Variants in SYTL5 observed in about 807,000 individuals in gnomAD.
SYTL5 encodes the protein synaptotagmin like 5.
Under a neutral mutation model 55.9 loss-of-function variants are expected in SYTL5, and 34 were observed. The ratio of observed to expected loss-of-function variants is 0.61; its 90% CI spans 0.46 to 0.81. The LOEUF (loss-of-function observed/expected upper bound fraction) is 0.81, where lower values mean the gene tolerates loss of function less well. Among genes scored for constraint, SYTL5 ranks in the 30% least tolerant of loss-of-function variants. SYTL5 has a pLI of 0.00. For missense variants in SYTL5, 637 were observed against 546.7 expected, an observed-to-expected ratio of 1.17 and a Z score of -1.65; for synonymous variants, 221 against 188.7, an observed-to-expected ratio of 1.17 and a Z score of -1.40.
chrX:37,920,854 A>G, the SYTL5 span, among the ~76,000 whole-genome samples: 1 of 111,615 alleles, frequency 9.0e-6, no homozygotes, highest in South Asian at 3.8e-4. Flanking sequence ...CAAAAACCAC[A>G]ATGTTTAAGG....
intron 2 of SYTL5, among the ~76,000 whole-genome samples, chrX:38,039,656 T>C (rs1281020238): frequency 8.9e-6 from 1 of 111,751 alleles, no homozygotes; most frequent in East Asian, 2.8e-4. Context: ...TGAGCTTTAT[T>C]CTCACTAAGG....
At chrX:37,903,195 A>C in the SYTL5 span, among the ~76,000 whole-genome samples, 12 of 110,999 alleles carry the variant, frequency 1.1e-4, no homozygotes, top group African/African-American at 4.0e-4. Context: ...CCATCCCATT[A>C]CTGGGTATAT....
intron 6 of SYTL5, among the ~76,000 whole-genome samples, chrX:38,079,223 A>AT (rs756025237): frequency 5.4e-5 from 6 of 110,939 alleles, no homozygotes; most frequent in Non-Finnish European, 9.4e-5. Flanking sequence ...TACAATGCAT[A>AT]TTTTTTCATG....
At chrX:37,889,283 T>C in the SYTL5 span, among the ~76,000 whole-genome samples, 3 of 112,001 alleles carry the variant, frequency 2.7e-5, no homozygotes, top group Admixed American at 1.9e-4. Flanking sequence ...CTTCAGGTTG[T>C]AGCATTTTAC....
the SYTL5 span, among the ~76,000 whole-genome samples, chrX:37,997,469 C>G: frequency 1.8e-5 from 2 of 112,297 alleles, no homozygotes; most frequent in Non-Finnish European, 3.8e-5. Context: ...CTTGGCTCTC[C>G]CTGCTGTCAG....
intron 8 of SYTL5, among the ~76,000 whole-genome samples, chrX:38,095,356 A>G (rs983961950): frequency 8.9e-6 from 1 of 111,962 alleles, no homozygotes; most frequent in African/African-American, 3.2e-5. Flanking sequence ...GCCTATGCTA[A>G]GTACTTCTGC....
rs1937176885 is a variant in SYTL5 at position 38,105,205 on chromosome X, T to A, written c.1156-1388T>A. ...ACATCCAGGGTGGGATGGAGCAGTA[T>A]GATGTGAGAGTTCATCATGCTACTT... On this transcript the variant is annotated intron_variant, in intron 10 of 16. Transcript: ENST00000297875. 2.7e-5 allele frequency among the ~76,000 whole-genome samples: 3 copies of A among 112,225 alleles called. No individual in the cohort carries two copies. In the Admixed American group the frequency reaches 2.8e-4, roughly 11 times the overall value.
chrX:38,031,527 A>G (rs1015658918), intron 1 of SYTL5, among the ~76,000 whole-genome samples: 2 of 112,068 alleles, frequency 1.8e-5, no homozygotes, highest in East Asian at 5.6e-4. Flanking sequence ...GCATTTTTAT[A>G]GCTACCAACC....
At chrX:37,992,558 T>C in the SYTL5 span, among the ~76,000 whole-genome samples, 3 of 112,988 alleles carry the variant, frequency 2.7e-5, no homozygotes, top group Non-Finnish European at 3.7e-5. Flanking sequence ...TTTCCCAAGA[T>C]TGAGTCCACT....
chrX:38,062,121 C>A (rs1935966588), intron 3 of SYTL5, among the ~76,000 whole-genome samples: 1 of 110,692 alleles, frequency 9.0e-6, no homozygotes. Flanking sequence ...GCATGTGCCA[C>A]CACACCCGGC....
At chrX:38,091,797 GA>G (rs1276312243) in intron 7 of SYTL5, among the ~76,000 whole-genome samples, 2 of 111,362 alleles carry the variant, frequency 1.8e-5, no homozygotes, top group African/African-American at 6.5e-5. Flanking sequence ...TATTAGGGGG[GA>G]AATCACCCTT....
chrX:38,079,253 G>C (rs749527234), intron 6 of SYTL5, among the ~76,000 whole-genome samples: 1 of 111,413 alleles, frequency 9.0e-6, no homozygotes, highest in East Asian at 2.8e-4. Context: ...TATTTTCATG[G>C]AGCAGCTGGG....
At chrX:37,892,646 A>T in the SYTL5 span, among the ~76,000 whole-genome samples, 1 of 88,224 alleles carries the variant, frequency 1.1e-5, no homozygotes, top group African/African-American at 4.9e-5. Context: ...ATATATGTAT[A>T]TATTAGTATA....
the SYTL5 span, among the ~76,000 whole-genome samples, chrX:37,939,060 C>G: frequency 9.1e-6 from 1 of 110,313 alleles, no homozygotes; most frequent in Admixed American, 9.7e-5. Context: ...GAGTTTGAGA[C>G]CAGACTGACC....
intron 1 of SYTL5, among the ~76,000 whole-genome samples, chrX:38,027,825 T>G (rs1470022736): frequency 1.6e-5 from 1 of 60,800 alleles, no homozygotes; most frequent in Non-Finnish European, 2.4e-5. Context: ...ATTCTTCTTC[T>G]TTTTTTTTTT....
chrX:38,059,492 C>A (rs1935882299), intron 3 of SYTL5, among the ~76,000 whole-genome samples: 2 of 111,762 alleles, frequency 1.8e-5, no homozygotes, highest in Admixed American at 1.9e-4. Context: ...GAACTAATTT[C>A]AAAATTGGGA....
upstream of SYTL5, among the ~76,000 whole-genome samples, chrX:38,006,306 T>C (rs1569153152): frequency 8.9e-6 from 1 of 111,787 alleles, no homozygotes; most frequent in Non-Finnish European, 1.9e-5. Context: ...GGTAGAAGAA[T>C]ATTAAAAGAG....
In SYTL5 at chrX:38,072,083, A is replaced by G; in HGVS notation, c.366A>G (p.Glu122=). The G allele has an allele frequency of 1.7e-6, 2 of 1,210,489 alleles. No homozygotes were observed. The highest frequency in any genetic ancestry group is 2.2e-5 in the Admixed American group (1 of 45,975). ...TTATAACTGGTGAGTGGTTTTTTGA[A>G]GAAAAGGCAAAACGTTTCAAGCAAG... is the stretch of plus-strand genomic sequence containing the variant. The part of the protein sequence containing the change: ...LRIITGEWFF[E]EKAKRFKQVN... Residue 122 remains glutamate, a synonymous_variant, in exon 4 of 17, where the codon GAA becomes GAG. Transcript: ENST00000297875.
At chrX:38,067,512 C>T (rs986480580) in intron 3 of SYTL5, among the ~76,000 whole-genome samples, 6 of 111,614 alleles carry the variant, frequency 5.4e-5, no homozygotes, top group Non-Finnish European at 1.1e-4. Context: ...GTTAAAAACT[C>T]TTCTTTTTTG....
Sources: allele counts gnomAD v4.1 joint callset (sites outside exome capture counted in the v4.1 genomes callset), GRCh38; gene constraint gnomAD v4.1.1; transcripts MANE v1.5; gene names NCBI Gene and HGNC (gene_info 2026-07-23, HGNC 2026-07-21).